Variants in NPEPL1 observed in about 807,000 individuals in gnomAD.
The protein encoded by NPEPL1 is aminopeptidase like 1.
In NPEPL1, 45 loss-of-function variants were observed where a neutral mutation model predicts 52.4. The observed-to-expected ratio is 0.86, with a 90% CI of 0.68 to 1.10. NPEPL1 has a LOEUF of 1.10. NPEPL1 is among the 50% of genes least tolerant of loss of function. The pLI, the probability that NPEPL1 is intolerant of heterozygous loss-of-function variation, is 0.00. For synonymous variants in NPEPL1, 360 were observed against 314.7 expected (o/e 1.14, Z -1.52); for missense variants, 696 against 710.9 (o/e 0.98, Z 0.24).
chr20:58,697,573 A>G (rs898749610), intron 3 of NPEPL1, among the ~76,000 whole-genome samples: 12 of 152,218 alleles, frequency 7.9e-5, no homozygotes, highest in African/African-American at 2.9e-4. Flanking sequence ...CCCTGACATT[A>G]TGAGACTAGA....
At position 58,715,639 on chromosome 20, in the gene NPEPL1, C is replaced by A; in HGVS notation, c.*313C>A. 1 of 250,760 alleles carries A rather than the reference C, an allele frequency of 4.0e-6. No individual in the cohort carries two copies. The highest frequency in any genetic ancestry group is 7.6e-6 in the Non-Finnish European group (1 of 131,460). 15.5% of individuals were successfully genotyped at this position (250,760 alleles called of 1,614,324 possible). A position where few individuals can be genotyped will look rare whatever the true frequency, so the allele number is the denominator to read the frequency against. On this transcript the variant is annotated 3_prime_UTR_variant, in exon 12 of 12. Transcript: ENST00000356091. ...CTGCCTGCCTGGTGCCCTGTCCCAG[C>A]CCCAGGTCCTGTGCAGGGCACCTGC...
chr20:58,708,216 G>A (rs982379990), intron 7 of NPEPL1, among the ~76,000 whole-genome samples: 17 of 152,380 alleles, frequency 1.1e-4, no homozygotes, highest in Middle Eastern at 3.4e-3. Flanking sequence ...GCCTTGGCAA[G>A]TAGTTTCCAA....
chr20:58,713,519 C>T lies in NPEPL1; in HGVS notation c.1101C>T (p.Asp367=). The part of the protein sequence containing the change: ...CKDLGADIIL[D]MATLTGAQGI... ...ACCTGGGGGCCGACATCATCCTGGA[C>T]ATGGCCACCCTGACCGGGGCTCAGG... Residue 367 remains aspartate (D), a synonymous_variant, in exon 9 of 12, where the codon GAC becomes GAT. Coordinates refer to ENST00000356091, the MANE Select transcript of NPEPL1 (RefSeq NM_024663.4). This position sits in a 1 kb window ranked among gnomAD's most constrained non-coding sequence, Gnocchi z 4.6. 1.2e-6 allele frequency: 2 copies of T among 1,609,532 alleles called. No homozygotes were observed. Among genetic ancestry groups the T allele is most frequent in the South Asian group, 2.2e-5 (2 of 90,340 alleles).
In NPEPL1 at chr20:58,715,583, T is replaced by A; in HGVS notation, c.*257T>A. On this transcript the variant is annotated 3_prime_UTR_variant, in exon 12 of 12. Coordinates refer to ENST00000356091, the MANE Select transcript of NPEPL1 (RefSeq NM_024663.4). ...GACATCTTCTGTAAACTGCTACCCC[T>A]GGGGCCTTCTGCACCCCGGGGTGAG... 1 of 347,452 alleles carries A rather than the reference T, an allele frequency of 2.9e-6. No individual in the cohort carries two copies. Among genetic ancestry groups the A allele is most frequent in the Non-Finnish European group, 5.2e-6 (1 of 192,098 alleles). 21.5% of individuals were successfully genotyped at this position (347,452 alleles called of 1,614,324 possible).
chr20:58,714,170 G>A (rs889941879), intron 10 of NPEPL1, 77 bp downstream of exon 10: 2 of 1,463,498 alleles, frequency 1.4e-6, no homozygotes, highest in Non-Finnish European at 9.0e-7. Flanking sequence ...TCAGGGTGCT[G>A]GTGCACCCAG....
At position 58,693,920 on chromosome 20, in the gene NPEPL1, G is replaced by A; in HGVS notation, c.334G>A (p.Val112Met). Residue 112 changes from valine (V) to methionine (M), a missense_variant and splice_region_variant, in exon 2 of 12, where the codon GTG becomes ATG. Physicochemically the swap from Val to Met is conservative, Grantham distance 21 (BLOSUM62 1). Transcript: ENST00000356091. ...CLPPGAHRCI[V>M]MVCEQPEVFA... ...GCCGCCCGGAGCGCATCGCTGCATT[G>A]TGGTGAGTGCTTCGAGAGGAGGCAG... 1 of 1,591,620 alleles carries A rather than the reference G, an allele frequency of 6.3e-7. No homozygotes were observed. Among genetic ancestry groups the A allele is most frequent in the East Asian group, 2.3e-5 (1 of 43,594 alleles).
chr20:58,691,129 A>G (rs891996793), upstream of NPEPL1: 6 of 703,138 alleles, frequency 8.5e-6, no homozygotes, highest in Non-Finnish European at 1.6e-5. Context: ...CTCACCCTCT[A>G]GGAAGATCCT....
At chr20:58,705,543 G>A in intron 6 of NPEPL1, 1 of 456,328 alleles carries the variant, frequency 2.2e-6, no homozygotes, top group South Asian at 1.5e-5. Flanking sequence ...CTTTGGGACT[G>A]TGGCCTGATA....
In NPEPL1 at chr20:58,701,127, A is replaced by T; in HGVS notation, c.791A>T (p.Tyr264Phe). The change falls in exon 6 of 12, where the codon TAT becomes TTT. Residue 264 changes from tyrosine (Y) to phenylalanine (F), a missense_variant. Transcript: ENST00000356091. ...GCCTGGGTGGGCAAAGGCATCGTCT[A>T]TGACACTGGAGGCCTCAGCATCAAA... ...TIAWVGKGIV[Y>F]DTGGLSIKGK... 2 of 1,583,568 alleles carry T rather than the reference A, an allele frequency of 1.3e-6. No homozygotes were observed. The highest frequency in any genetic ancestry group is 1.7e-6 in the Non-Finnish European group (2 of 1,165,938).
Position 58,713,596 on chromosome 20 carries a change from C to T in NPEPL1, c.1125+53C>T. On this transcript the variant is annotated intron_variant, in intron 9 of 11. Transcript: ENST00000356091. The surrounding 1 kb of genome is among the most constrained non-coding windows in gnomAD (Gnocchi z 4.6). ...GCTGTAGTCCCAGGGAACCCCACCC[C>T]ACTCTTGACCTCAAGGTGGGGAAGG... 1.3e-6 allele frequency: 2 copies of T among 1,512,930 alleles called. No homozygotes were observed. Among genetic ancestry groups the T allele is most frequent in the Non-Finnish European group, 8.9e-7 (1 of 1,125,766 alleles). 93.7% of individuals were successfully genotyped at this position (1,512,930 alleles called of 1,614,324 possible). A position where few individuals can be genotyped will look rare whatever the true frequency, so the allele number is the denominator to read the frequency against.
chr20:58,702,799 GAA>G (rs1398720117), intron 6 of NPEPL1, among the ~76,000 whole-genome samples: 2 of 152,158 alleles, frequency 1.3e-5, no homozygotes, highest in African/African-American at 4.8e-5. Flanking sequence ...AGATACTTAG[GAA>G]AAGTCTTTAA....
chr20:58,691,190 G>A, upstream of NPEPL1: 1 of 701,998 alleles, frequency 1.4e-6, no homozygotes, highest in Non-Finnish European at 2.6e-6. Context: ...CAACGTATTT[G>A]CAAACAGAAA....
intron 3 of NPEPL1, among the ~76,000 whole-genome samples, chr20:58,695,119 T>C (rs2084448961): frequency 9.4e-6 from 1 of 106,522 alleles, no homozygotes; most frequent in African/African-American, 3.6e-5. Flanking sequence ...GTGTGTTTGC[T>C]GGTGTGTGCA....
upstream of NPEPL1, chr20:58,690,915 A>C (rs2084332611): frequency 3.8e-6 from 2 of 523,006 alleles, no homozygotes. Context: ...AATTCTATAG[A>C]GTGAGCCAGG....
At chr20:58,703,007 G>A (rs567028375) in intron 6 of NPEPL1, among the ~76,000 whole-genome samples, 99 of 152,310 alleles carry the variant, frequency 6.5e-4, no homozygotes, top group African/African-American at 1.7e-3. Context: ...CAGGTTCCGC[G>A]TCTTCGTTTT....
chr20:58,715,169 G>C lies in NPEPL1; in HGVS notation c.1415G>C (p.Gly472Ala), dbSNP rs779511072. 2 of 1,600,822 alleles carry C rather than the reference G, an allele frequency of 1.2e-6. No homozygotes were observed. The highest frequency in any genetic ancestry group is 1.7e-6 in the Non-Finnish European group (2 of 1,176,356). Residue 472 changes from glycine (G) to alanine (A), a missense_variant and splice_region_variant, in exon 12 of 12, where the codon GGT (glycine) becomes GCT (alanine). Transcript: ENST00000356091. ...CTGTGTCCTGCCCTTTGCTTGCAGGGTGAGCGAGCCACAGGCTTCGGTGTG... is the reference window on the plus strand; with the variant it reads ...CTGTGTCCTGCCCTTTGCTTGCAGGCTGAGCGAGCCACAGGCTTCGGTGTG... ...HLDIAAPVHA[G>A]ERATGFGVAL...
upstream of NPEPL1, chr20:58,692,016 A>C: frequency 3.3e-6 from 2 of 605,680 alleles, no homozygotes; most frequent in East Asian, 2.8e-5. The surrounding 1 kb of genome is among the most constrained non-coding windows in gnomAD (Gnocchi z 5.7). Context: ...CTCCCCTGTA[A>C]GGCGACTGAG....
At chr20:58,691,708 T>TTTC, upstream of NPEPL1, 1 of 739,652 alleles carries the variant, frequency 1.4e-6, no homozygotes. Context: ...TTTTTTTTTT[T>TTTC]TTTTTTCATT....
chr20:58,708,579 A>T (rs977420416), intron 7 of NPEPL1, among the ~76,000 whole-genome samples: 2 of 151,890 alleles, frequency 1.3e-5, no homozygotes, highest in Admixed American at 6.5e-5. Flanking sequence ...AAGAGGCTGG[A>T]GGAGGAGCAT....
Sources: allele counts gnomAD v4.1 joint callset (sites outside exome capture counted in the v4.1 genomes callset), GRCh38; gene constraint gnomAD v4.1.1; non-coding constraint Gnocchi (gnomAD v3.1); transcripts MANE v1.5; gene names NCBI Gene and HGNC (gene_info 2026-07-23, HGNC 2026-07-21).